Variants in CETN3 observed in about 807,000 individuals in gnomAD.
The protein encoded by CETN3 is centrin-3.
A neutral mutation model predicts 20.1 loss-of-function variants in CETN3; 17 were observed. That is an observed-to-expected ratio of 0.85 (90% CI 0.58 to 1.27). The LOEUF (loss-of-function observed/expected upper bound fraction) is 1.27, where lower values mean the gene tolerates loss of function less well. Ranked by LOEUF, CETN3 falls within the 50% of genes most tolerant of loss-of-function variation. The pLI, the probability that CETN3 is intolerant of heterozygous loss-of-function variation, is 0.00. For missense variants in CETN3, 169 were observed against 191.2 expected, an observed-to-expected ratio of 0.88 and a Z score of 0.69; for synonymous variants, 52 against 59.7, an observed-to-expected ratio of 0.87 and a Z score of 0.59.
rs1031206073 is a variant in CETN3 at position 90,407,695 on chromosome 5, T to C, written c.153+4A>G. 2 of 1,495,686 alleles carry C rather than the reference T, an allele frequency of 1.3e-6. No individual in the cohort carries two copies. The highest frequency in any genetic ancestry group is 1.8e-6 in the Non-Finnish European group (2 of 1,105,472). The allele number at this position is 1,495,686 out of a possible 1,614,324, so 92.7% of individuals were successfully genotyped here. On this transcript the variant is annotated splice_donor_region_variant and intron_variant, in intron 2 of 4. Coordinates refer to ENST00000283122, the MANE Select transcript of CETN3 (RefSeq NM_004365.4). ...GAAACAAATATTTTAAAGTATACCATTACCTTTAATTCATGATAATCTATT... is the reference window on the plus strand; with the variant it reads ...GAAACAAATATTTTAAAGTATACCACTACCTTTAATTCATGATAATCTATT...
chr5:90,396,289 T>C, intron 4 of CETN3: 1 of 985,206 alleles, frequency 1.0e-6, no homozygotes, highest in Non-Finnish European at 1.2e-6. Flanking sequence ...TACAAAACAC[T>C]ATGACAAACA....
chr5:90,407,045 A>G (rs1290319870), intron 2 of CETN3, among the ~76,000 whole-genome samples: 1 of 152,012 alleles, frequency 6.6e-6, no homozygotes, highest in Non-Finnish European at 1.5e-5. Flanking sequence ...AAACACTTAC[A>G]TTCACCTATC....
intron 3 of CETN3, among the ~76,000 whole-genome samples, chr5:90,400,501 C>T (rs911058337): frequency 2.0e-5 from 3 of 150,364 alleles, no homozygotes; most frequent in Non-Finnish European, 4.4e-5. Context: ...TAATTATATA[C>T]ACTATCTGCC....
chr5:90,398,921 C>A (rs745647819), intron 4 of CETN3: 7 of 252,498 alleles, frequency 2.8e-5, no homozygotes, highest in Admixed American at 5.1e-5. Flanking sequence ...ACGCAGGACA[C>A]TGCACCCAGT....
At chr5:90,400,708 C>T (rs1012457425) in intron 3 of CETN3, among the ~76,000 whole-genome samples, 3 of 151,944 alleles carry the variant, frequency 2.0e-5, no homozygotes, top group African/African-American at 7.3e-5. Context: ...CTGTTTCACC[C>T]GTATTTGGTT....
rs773424505 is a variant in CETN3, at chr5:90,409,659, CATT to C, written c.-1_2del. On this transcript the variant is annotated start_lost and start_retained_variant and 5_prime_UTR_variant, in exon 1 of 5. Coordinates refer to ENST00000283122, the MANE Select transcript of CETN3 (RefSeq NM_004365.4). Reference sequence around the variant, plus strand: ...TTATTACCGACCTCAGAGCTAAACTCATTATCTCTTCGCACAGAGACGTTCCTC... The same window carrying C: ...TTATTACCGACCTCAGAGCTAAACTCATCTCTTCGCACAGAGACGTTCCTC... 1.4e-5 allele frequency: 22 copies of C among 1,614,080 alleles called. No homozygotes were observed. Among genetic ancestry groups the C allele is most frequent in the Non-Finnish European group, 1.8e-5 (21 of 1,180,048 alleles).
At chr5:90,408,800 C>CA (rs74585512) in intron 1 of CETN3, among the ~76,000 whole-genome samples, 37,107 of 96,052 alleles carry the variant, frequency 0.39, 5,940 homozygotes, top group East Asian at 0.62. Flanking sequence ...CTGAAAGCTC[C>CA]AAAAAAAAAA....
chr5:90,397,855 T>C (rs1416344910), intron 4 of CETN3, among the ~76,000 whole-genome samples: 1 of 152,146 alleles, frequency 6.6e-6, no homozygotes, highest in Admixed American at 6.5e-5. Flanking sequence ...ATTATACACA[T>C]GTATAGGTAT....
chr5:90,409,415 T>C lies in CETN3; in HGVS notation c.17+230A>G, dbSNP rs1286596017. Among the ~76,000 whole-genome samples the C allele has an allele frequency of 2.0e-5, 3 of 152,158 alleles. No homozygotes were observed. The East Asian group carries it at 5.8e-4, about 29-fold the overall frequency. On this transcript the variant is annotated intron_variant, in intron 1 of 4. Transcript: ENST00000283122. ...CCAACCTTCTGGCAGTCCAAAGCCC[T>C]ACGCGCTGACAGAAATAACCTCCTT... is the stretch of plus-strand genomic sequence containing the variant.
chr5:90,404,868 GAAA>G (rs375642418), intron 3 of CETN3, among the ~76,000 whole-genome samples: 1 of 122,262 alleles, frequency 8.2e-6, no homozygotes, highest in Admixed American at 8.4e-5. Context: ...TTGGTTTAGA[GAAA>G]AAAAAAAAAA....
rs1246265733 is a variant in CETN3, at chr5:90,399,350, A to C, written c.460+8T>G. 1 of 1,613,560 alleles carries C rather than the reference A, an allele frequency of 6.2e-7. No homozygotes were observed. Among genetic ancestry groups the C allele is most frequent in the South Asian group, 1.1e-5 (1 of 91,070 alleles). ...AAACCTGGAAAATACGTTTCACTTA[A>C]AACTTACTTTCTCCATCACCATCTT... On this transcript the variant is annotated splice_region_variant and intron_variant, in intron 4 of 4. Coordinates refer to ENST00000283122, the MANE Select transcript of CETN3 (RefSeq NM_004365.4).
At chr5:90,403,875 G>GAAAAAGAA (rs1749367437) in intron 3 of CETN3, among the ~76,000 whole-genome samples, 1 of 86,716 alleles carries the variant, frequency 1.2e-5, no homozygotes, top group African/African-American at 4.6e-5. Context: ...TGTCTCAAAA[G>GAAAAAGAA]AAAAAAAAAA....
At chr5:90,399,598 G>C in intron 3 of CETN3, 49 bp from the exon 4 acceptor site, 1 of 1,401,044 alleles carries the variant, frequency 7.1e-7, no homozygotes, top group Non-Finnish European at 1.0e-6. Context: ...TAATCACAAA[G>C]GCATTCATTT....
rs570256542 is a variant in CETN3 at position 90,407,941 on chromosome 5, AAGAT to A, written c.18-111_18-108del. 1.1e-3 allele frequency: 1,054 copies of A among 930,032 alleles called. 1 individual carries two copies. Among genetic ancestry groups the A allele is most frequent in the Non-Finnish European group, 1.5e-3 (972 of 656,394 alleles). The allele number at this position is 930,032 out of a possible 1,614,324, so 57.6% of individuals were successfully genotyped here. A position where few individuals can be genotyped will look rare whatever the true frequency, so the allele number is the denominator to read the frequency against. Reference sequence around the variant, plus strand: ...TTCAAAAAAGAAAGTACTTTGGAGAAAGATAGGGAAACTTTCCCTTTATGAGTCA... The same window carrying A: ...TTCAAAAAAGAAAGTACTTTGGAGAAAGGGAAACTTTCCCTTTATGAGTCA... On this transcript the variant is annotated intron_variant, in intron 1 of 4. Coordinates refer to ENST00000283122, the MANE Select transcript of CETN3 (RefSeq NM_004365.4).
rs557289272 is a variant in CETN3, at chr5:90,404,566, G to C, written c.268+1119C>G. On this transcript the variant is annotated intron_variant, in intron 3 of 4. Transcript: ENST00000283122. ...AATGGACAAGTTGCCTCTCTAAACAGTCATATATTAGTTCATAAGTTGAGG... is the reference window on the plus strand; with the variant it reads ...AATGGACAAGTTGCCTCTCTAAACACTCATATATTAGTTCATAAGTTGAGG... Among the ~76,000 whole-genome samples the C allele has an allele frequency of 2.8e-4, 42 of 152,196 alleles. No homozygotes were observed. The South Asian group carries it at 8.5e-3, about 31-fold the overall frequency.
intron 3 of CETN3, among the ~76,000 whole-genome samples, chr5:90,404,710 T>C (rs1749388231): frequency 1.3e-5 from 2 of 152,180 alleles, no homozygotes; most frequent in African/African-American, 4.8e-5. Flanking sequence ...AAATTTTCTC[T>C]GCGTCTACTA....
intron 2 of CETN3, among the ~76,000 whole-genome samples, chr5:90,406,255 G>C (rs1044408577): frequency 6.6e-6 from 1 of 151,864 alleles, no homozygotes; most frequent in African/African-American, 2.4e-5. Flanking sequence ...CCTGAGTTTA[G>C]AGAAAAAAGA....
chr5:90,407,491 C>T lies in CETN3; in HGVS notation c.153+208G>A, dbSNP rs907951138. On this transcript the variant is annotated intron_variant, in intron 2 of 4. Coordinates refer to ENST00000283122, the MANE Select transcript of CETN3 (RefSeq NM_004365.4). ...GTATTTTTACATTTAAAATACTATT[C>T]GTTTTCTCATGTGAAAAAGATTTTC... Among the ~76,000 whole-genome samples the T allele has an allele frequency of 3.3e-5, 5 of 151,966 alleles. No homozygotes were observed. The East Asian group carries it at 5.8e-4, about 18-fold the overall frequency.
At chr5:90,405,892 CATT>C (rs1250524696) in intron 2 of CETN3, 93 bp from the exon 3 acceptor site, 1 of 743,872 alleles carries the variant, frequency 1.3e-6, no homozygotes, top group Non-Finnish European at 2.2e-6. Flanking sequence ...GATGACAACA[CATT>C]AATAAAATAT....
Sources: gnomAD v4.1 joint callset for allele counts (sites outside exome capture counted in the v4.1 genomes callset) on GRCh38, gnomAD v4.1.1 for gene constraint, MANE v1.5 for transcripts, NCBI Gene and HGNC (gene_info 2026-07-23, HGNC 2026-07-21) for gene names.